Variants in HOOK2 observed in about 807,000 individuals in gnomAD.
HOOK2 encodes the protein hook microtubule tethering protein 2, also known as protein Hook homolog 2.
A neutral mutation model predicts 111.9 loss-of-function variants in HOOK2; 108 were observed. That is an observed-to-expected ratio of 0.96 (90% confidence interval 0.83 to 1.13). HOOK2 has a LOEUF of 1.13. Ranked by LOEUF, HOOK2 falls within the 50% of genes most tolerant of loss-of-function variation. The pLI is 0.00. For missense variants in HOOK2, 978 were observed against 951.3 expected, an observed-to-expected ratio of 1.03 and a Z score of -0.37; for synonymous variants, 405 against 394.3, an observed-to-expected ratio of 1.03 and a Z score of -0.32.
chr19:12,777,452 C>G (rs1416585623), upstream of HOOK2, among the ~76,000 whole-genome samples: 1 of 152,204 alleles, frequency 6.6e-6, no homozygotes, highest in East Asian at 1.9e-4. Flanking sequence ...TGCACTCCAG[C>G]CTGGACGTCA....
chr19:12,788,697 C>T (rs1968677524), intron 3 of HOOK2, among the ~76,000 whole-genome samples: 1 of 151,738 alleles, frequency 6.6e-6, no homozygotes, highest in African/African-American at 2.4e-5. Context: ...AAGGTGCTGC[C>T]CTCTGGCCTG....
upstream of HOOK2, among the ~76,000 whole-genome samples, chr19:12,782,050 C>A (rs933625142): frequency 6.6e-6 from 1 of 152,120 alleles, no homozygotes; most frequent in Non-Finnish European, 1.5e-5. Flanking sequence ...AGACAGGGGT[C>A]TTGCTATGTT....
Position 12,774,905 on chromosome 19 carries a change from G to A in HOOK2, c.46-8C>T, listed in dbSNP as rs763367630. On this transcript the variant is annotated splice_region_variant and splice_polypyrimidine_tract_variant and intron_variant, in intron 1 of 22. Coordinates refer to ENST00000397668, the MANE Select transcript of HOOK2 (RefSeq NM_013312.3). ...AACGTGGAACGTCTGTAACTGAGGG[G>A]TAAAGGAAAGGACAAGGAAAGAGTT... The A allele has an allele frequency of 7.4e-6, 12 of 1,612,038 alleles. No homozygotes were observed. The highest frequency in any genetic ancestry group is 2.2e-5 in the East Asian group (1 of 44,854).
chr19:12,772,967 C>A, intron 4 of HOOK2, 27 bp downstream of exon 4: 2 of 1,614,190 alleles, frequency 1.2e-6, no homozygotes, highest in Non-Finnish European at 1.7e-6. Context: ...CCAACTCAAC[C>A]CCCTGAATCC....
upstream of HOOK2, among the ~76,000 whole-genome samples, chr19:12,776,899 C>T (rs542050898): frequency 2.2e-3 from 332 of 151,500 alleles, no homozygotes; most frequent in Non-Finnish European, 3.3e-3. Flanking sequence ...CGGCTCACGT[C>T]TGTATCCCAG....
At chr19:12,775,771 C>T (rs1396144520), upstream of HOOK2, among the ~76,000 whole-genome samples, 1 of 152,100 alleles carries the variant, frequency 6.6e-6, no homozygotes, top group Non-Finnish European at 1.5e-5. Context: ...CTCGCCCTGG[C>T]CCTTTTTGGG....
intron 11 of HOOK2, among the ~76,000 whole-genome samples, chr19:12,769,645 A>C (rs1376170634): frequency 1.3e-5 from 2 of 152,256 alleles, no homozygotes; most frequent in East Asian, 3.9e-4. Flanking sequence ...AAGGAAATCA[A>C]GCAGCATGGT....
At chr19:12,789,175 G>GAGAGAGAGAGAGAGAGACAA (rs1025802879) in intron 3 of HOOK2, among the ~76,000 whole-genome samples, 1 of 145,702 alleles carries the variant, frequency 6.9e-6, no homozygotes, top group Non-Finnish European at 1.5e-5. Context: ...CTGGGAAGCT[G>GAGAGAGAGAGAGAGAGACAA]AGAGAGAGAG....
In HOOK2 at chr19:12,774,404, C is replaced by G. The variant is rs1365561034; in HGVS notation, c.204+265G>C. On this transcript the variant is annotated intron_variant, in intron 3 of 22. Transcript: ENST00000397668. The stretch of plus-strand genomic sequence containing the variant: ...TACAGGCATGAGCCACTGCGCCCAG[C>G]CTGGAAGTTAATTTTTATGGTTGTG... 5 of 554,602 alleles carry G rather than the reference C, an allele frequency of 9.0e-6. No homozygotes were observed. The East Asian group carries it at 1.5e-4, about 17-fold the overall frequency. The allele number at this position is 554,602 out of a possible 1,614,324, so 34.4% of individuals were successfully genotyped here.
At chr19:12,770,116 AG>A (rs779949704) in intron 10 of HOOK2, 34 bp from the exon 11 acceptor site, 5 of 1,451,744 alleles carry the variant, frequency 3.4e-6, no homozygotes, top group South Asian at 2.7e-5. Flanking sequence ...GAGGGCTGAG[AG>A]CTCTGATCAG....
At chr19:12,770,147 G>C in intron 10 of HOOK2, 65 bp from the exon 11 acceptor site, 1 of 1,354,140 alleles carries the variant, frequency 7.4e-7, no homozygotes, top group Non-Finnish European at 9.7e-7. Flanking sequence ...GGGATGTGGA[G>C]TGGCCCTTGG....
intron 3 of HOOK2, chr19:12,774,306 T>A: frequency 3.3e-6 from 1 of 305,774 alleles, no homozygotes; most frequent in Non-Finnish European, 6.4e-6. Context: ...GGGTTTCAAC[T>A]TGTTGGCCAG....
upstream of HOOK2, among the ~76,000 whole-genome samples, chr19:12,777,911 C>T (rs1442149462): frequency 6.6e-6 from 1 of 152,262 alleles, no homozygotes; most frequent in Non-Finnish European, 1.5e-5. Flanking sequence ...TTGCGCTAAG[C>T]GATTTAAATA....
In HOOK2 at chr19:12,763,382, G is replaced by T; in HGVS notation, c.2060C>A (p.Ala687Asp). 5 of 1,614,122 alleles carry T rather than the reference G, an allele frequency of 3.1e-6. No individual in the cohort carries two copies. The highest frequency in any genetic ancestry group is 4.2e-6 in the Non-Finnish European group (5 of 1,180,002). ...CCGCTGCTGTGCCAGGAATGACTGGGCATGGGCAGGCGCCCGCTCCTCCCC... is the reference window on the plus strand; with the variant it reads ...CCGCTGCTGTGCCAGGAATGACTGGTCATGGGCAGGCGCCCGCTCCTCCCC... ...RAGEERAPAH[A>D]QSFLAQQRLA... The change falls in exon 23 of 23, where the codon GCC becomes GAC. Residue 687 changes from alanine to aspartate, a missense_variant. Coordinates refer to ENST00000397668, the MANE Select transcript of HOOK2 (RefSeq NM_013312.3).
chr19:12,775,295 G>A, intron 1 of HOOK2, 110 bp downstream of exon 1: 1 of 1,496,616 alleles, frequency 6.7e-7, no homozygotes, highest in Non-Finnish European at 8.9e-7. Flanking sequence ...GCAAGTCGAC[G>A]ACCCCGCACC....
chr19:12,763,394 G>A lies in HOOK2; in HGVS notation c.2048C>T (p.Ala683Val), dbSNP rs35614758. The A allele has an allele frequency of 2.4e-3, 3,863 of 1,613,986 alleles. 6 individuals carry two copies. Among genetic ancestry groups the A allele is most frequent in the Non-Finnish European group, 3.0e-3 (3,560 of 1,179,962 alleles). ...CAGGAATGACTGGGCATGGGCAGGC[G>A]CCCGCTCCTCCCCAGCTCGCTGCTG... ...ALQQRAGEERAPAHAQSFLAQ... is the reference protein window; with the variant it reads ...ALQQRAGEERVPAHAQSFLAQ... The change falls in exon 23 of 23, where the codon GCG (alanine) becomes GTG (valine). Residue 683 changes from alanine to valine, a missense_variant. This residue lies in a region of HOOK2 where 277 missense variants were observed against 265.8 expected (regional missense o/e 1.04). Transcript: ENST00000397668.
At chr19:12,764,951 G>C in intron 19 of HOOK2, 34 bp from the exon 20 acceptor site, 1 of 1,613,728 alleles carries the variant, frequency 6.2e-7, no homozygotes, top group Non-Finnish European at 8.5e-7. Flanking sequence ...GCTCCACGCT[G>C]CTGGGCTCTG....
chr19:12,778,972 A>C (rs1325953175), upstream of HOOK2, among the ~76,000 whole-genome samples: 1 of 152,128 alleles, frequency 6.6e-6, no homozygotes, highest in Non-Finnish European at 1.5e-5. Flanking sequence ...AGATCCAGGC[A>C]CCTTTAATTC....
chr19:12,772,987 TACTC>T lies in HOOK2; in HGVS notation c.255+3_255+6del. The T allele has an allele frequency of 1.2e-6, 2 of 1,614,174 alleles. No individual in the cohort carries two copies. Among genetic ancestry groups the T allele is most frequent in the Non-Finnish European group, 1.7e-6 (2 of 1,180,026 alleles). ...TCAACCCCCTGAATCCCTTTACAGT[TACTC>T]ACATCCTGGGAGTACTCTACTAGGC... On this transcript the variant is annotated splice_donor_5th_base_variant and intron_variant, in intron 4 of 22. Transcript: ENST00000397668.
Sources: gnomAD v4.1 joint callset for allele counts (sites outside exome capture counted in the v4.1 genomes callset) on GRCh38, gnomAD v4.1.1 for gene constraint, gnomAD v4.1.1 regional missense constraint, MANE v1.5 for transcripts, NCBI Gene and HGNC (gene_info 2026-07-23, HGNC 2026-07-21) for gene names.